The following OPCML variants were observed in gnomAD, a reference collection of about 807,000 sequenced individuals.
OPCML encodes opioid-binding protein/cell adhesion molecule.
OPCML carries 13 observed loss-of-function variants against 37.8 expected under a neutral mutation model. The ratio of observed to expected loss-of-function variants is 0.34; its 90% CI spans 0.22 to 0.55. The LOEUF is 0.55. Ranked by LOEUF, OPCML falls within the 20% of genes least tolerant of loss-of-function variation. The probability of loss-of-function intolerance (pLI) is 0.91; values close to 1 mark genes in which losing one functional copy is unlikely to be tolerated. For missense variants in OPCML, 341 were observed against 435.6 expected, an observed-to-expected ratio of 0.78 and a Z score of 1.93; for synonymous variants, 176 against 168.8, an observed-to-expected ratio of 1.04 and a Z score of -0.33.
chr11:133,231,356 A>G (rs144136406), intron 1 of OPCML, among the ~76,000 whole-genome samples: 1 of 152,136 alleles, frequency 6.6e-6, no homozygotes, highest in South Asian at 2.1e-4. Context: ...ATCCCTTCAC[A>G]TGTCATAACT....
intron 4 of OPCML, among the ~76,000 whole-genome samples, chr11:132,469,133 G>T (rs772649723): frequency 9.2e-5 from 14 of 152,156 alleles, no homozygotes; most frequent in Non-Finnish European, 2.1e-4. Flanking sequence ...TAAGTGCCAA[G>T]AATTCATCAA....
At chr11:133,079,390 C>G (rs1165745038) in intron 1 of OPCML, among the ~76,000 whole-genome samples, 1 of 152,112 alleles carries the variant, frequency 6.6e-6, no homozygotes, top group African/African-American at 2.4e-5. Flanking sequence ...TGATGGGCAG[C>G]TGGAGTAGAT....
At chr11:133,233,334 C>T (rs113815586) in intron 1 of OPCML, among the ~76,000 whole-genome samples, 89 of 152,198 alleles carry the variant, frequency 5.8e-4, no homozygotes, top group African/African-American at 2.1e-3. Flanking sequence ...AACTGGGAAA[C>T]ATCAGATGTG....
At position 133,141,048 on chromosome 11, in the gene OPCML, C is replaced by CGAA. The variant is rs1161324241; in HGVS notation, c.62-198041_62-198039dup. On this transcript the variant is annotated intron_variant, in intron 1 of 7. Coordinates refer to ENST00000524381, the MANE Select transcript of OPCML (RefSeq NM_001012393.5). ...ACGACGACGACGACGACGACGACGA[C>CGAA]GAAGAAGAAGAAGAAGAAGAAGAAG... Among the ~76,000 whole-genome samples the CGAA allele has an allele frequency of 6.4e-3, 37 of 5,790 alleles. 17 individuals are homozygous for CGAA. The highest frequency in any genetic ancestry group is 0.17 in the Middle Eastern group (2 of 12). The allele number at this position is 5,790 out of a possible 152,430, so 3.8% of individuals were successfully genotyped here.
At chr11:132,917,492 G>T (rs1464377320) in intron 2 of OPCML, among the ~76,000 whole-genome samples, 1 of 152,186 alleles carries the variant, frequency 6.6e-6, no homozygotes, top group Non-Finnish European at 1.5e-5. Context: ...GCCCTGAAGA[G>T]ATCCCAGACA....
At chr11:132,873,067 C>T (rs1942871534) in intron 2 of OPCML, among the ~76,000 whole-genome samples, 1 of 152,150 alleles carries the variant, frequency 6.6e-6, no homozygotes, top group Non-Finnish European at 1.5e-5. Context: ...TCATCCTCTG[C>T]CTCACTGCCC....
intron 4 of OPCML, among the ~76,000 whole-genome samples, chr11:132,504,864 C>CG (rs2096253114): frequency 6.6e-6 from 1 of 152,074 alleles, no homozygotes; most frequent in Admixed American, 6.5e-5. Context: ...TATCAGGAGG[C>CG]GGGGTCACTG....
intron 2 of OPCML, among the ~76,000 whole-genome samples, chr11:132,808,969 T>TA (rs1423540283): frequency 1.3e-5 from 2 of 151,764 alleles, no homozygotes; most frequent in African/African-American, 4.8e-5. Flanking sequence ...TTTGCTTTTT[T>TA]AAAATTTGGT....
intron 1 of OPCML, among the ~76,000 whole-genome samples, chr11:133,104,647 A>G (rs1949131345): frequency 6.6e-6 from 1 of 152,192 alleles, no homozygotes; most frequent in Admixed American, 6.5e-5. Context: ...ACTAATCTTG[A>G]TTCTGACTCA....
chr11:133,431,551 C>T (rs575094864), intron 1 of OPCML, among the ~76,000 whole-genome samples: 29 of 152,072 alleles, frequency 1.9e-4, no homozygotes, highest in Middle Eastern at 3.4e-3. Flanking sequence ...CCGCAACCTC[C>T]GCCTCCTGGG....
intron 1 of OPCML, among the ~76,000 whole-genome samples, chr11:133,383,869 T>C (rs1444403772): frequency 1.3e-5 from 2 of 152,172 alleles, no homozygotes; most frequent in Non-Finnish European, 2.9e-5. Context: ...TGTCTACACC[T>C]GCAGTGCATG....
At position 133,006,166 on chromosome 11, in the gene OPCML, C is replaced by T. The variant is rs574423599; in HGVS notation, c.62-63156G>A. ...TGGAGAAGCTCCAACCTACTGAGGT[C>T]GAGCCTTGGGAAGTTCGCGCCATCT... On this transcript the variant is annotated intron_variant, in intron 1 of 7. Coordinates refer to ENST00000524381, the MANE Select transcript of OPCML (RefSeq NM_001012393.5). 1.7e-4 allele frequency: 164 copies of T among 973,286 alleles called. 1 individual carries two copies. In the South Asian group the frequency reaches 6.8e-3, roughly 40 times the overall value. 60.3% of individuals were successfully genotyped at this position (973,286 alleles called of 1,614,324 possible).
chr11:133,026,767 C>T (rs994817810), intron 1 of OPCML, among the ~76,000 whole-genome samples: 2 of 152,098 alleles, frequency 1.3e-5, no homozygotes, highest in Non-Finnish European at 2.9e-5. Flanking sequence ...AGTATGACAA[C>T]TGTATATGAT....
Position 133,135,675 on chromosome 11 carries a change from C to G in OPCML, c.62-192665G>C, listed in dbSNP as rs374565030. Among the ~76,000 whole-genome samples the G allele has an allele frequency of 3.3e-5, 5 of 152,274 alleles. No individual in the cohort carries two copies. In the East Asian group the frequency reaches 7.7e-4, roughly 24 times the overall value. ...AGTAGGGCAGAAGACTCCCAAAATA[C>G]AGATGCGAAGACTGAGGCTCTATGG... On this transcript the variant is annotated intron_variant, in intron 1 of 7. Transcript: ENST00000524381.
intron 2 of OPCML, among the ~76,000 whole-genome samples, chr11:132,864,386 G>C (rs1942440131): frequency 1.3e-5 from 2 of 152,142 alleles, no homozygotes; most frequent in South Asian, 4.1e-4. Flanking sequence ...TATGTTTAAG[G>C]CTCAAATCTG....
intron 1 of OPCML, chr11:133,418,071 A>G: frequency 1.0e-6 from 1 of 985,378 alleles, no homozygotes; most frequent in Non-Finnish European, 1.2e-6. Context: ...ACACAGTGCT[A>G]CTTACAAAGT....
chr11:133,363,886 C>T (rs535619832), intron 1 of OPCML, among the ~76,000 whole-genome samples: 1 of 152,318 alleles, frequency 6.6e-6, no homozygotes, highest in African/African-American at 2.4e-5. Context: ...CCTACTCAGG[C>T]TGACCTCAAA....
intron 3 of OPCML, among the ~76,000 whole-genome samples, chr11:132,569,045 A>G (rs566376245): frequency 6.6e-6 from 1 of 152,322 alleles, no homozygotes; most frequent in Admixed American, 6.5e-5. Context: ...GCAGTGGGAA[A>G]GGCATGGGGC....
intron 4 of OPCML, among the ~76,000 whole-genome samples, chr11:132,475,819 A>G (rs1460757284): frequency 6.6e-6 from 1 of 152,214 alleles, no homozygotes; most frequent in African/African-American, 2.4e-5. Context: ...ATTTTGCCAA[A>G]CATTGTATGG....
Sources: allele counts gnomAD v4.1 joint callset (sites outside exome capture counted in the v4.1 genomes callset), GRCh38; gene constraint gnomAD v4.1.1; transcripts MANE v1.5; gene names NCBI Gene and HGNC (gene_info 2026-07-23, HGNC 2026-07-21).